The following RPS6KA3 variants were observed in gnomAD, a reference collection of about 807,000 sequenced individuals.
RPS6KA3 encodes the protein ribosomal protein S6 kinase alpha-3.
In RPS6KA3, 4 loss-of-function variants were observed where a neutral mutation model predicts 67.2. The observed-to-expected ratio is 0.06, with a 90% confidence interval of 0.03 to 0.14. The LOEUF is 0.14. Among genes scored for constraint, RPS6KA3 ranks in the 10% least tolerant of loss-of-function variants. The probability of loss-of-function intolerance (pLI) is 1.00; values close to 1 mark genes in which losing one functional copy is unlikely to be tolerated. For synonymous variants in RPS6KA3, 182 were observed against 183.7 expected (o/e 0.99, Z 0.07); for missense variants, 204 against 559.0 (o/e 0.36, Z 6.40).
At chrX:20,267,076 G>A (rs1278386939), upstream of RPS6KA3, 2 of 753,260 alleles carry the variant, frequency 2.7e-6, no homozygotes, top group African/African-American at 2.3e-5. Flanking sequence ...CGCCACCACC[G>A]CCGCGCGCAC....
intron 2 of RPS6KA3, among the ~76,000 whole-genome samples, chrX:20,212,560 T>C (rs908243194): frequency 2.7e-5 from 3 of 110,608 alleles, no homozygotes; most frequent in Admixed American, 9.6e-5. Flanking sequence ...AGTGAGACTT[T>C]GTCTCTACCA....
At chrX:20,251,205 C>T (rs756454442) in intron 1 of RPS6KA3, among the ~76,000 whole-genome samples, 1 of 112,375 alleles carries the variant, frequency 8.9e-6, no homozygotes, top group African/African-American at 3.2e-5. Context: ...GAAGATGGCT[C>T]ACTGGGGCCT....
intron 1 of RPS6KA3, among the ~76,000 whole-genome samples, chrX:20,258,574 A>G (rs1291783292): frequency 1.8e-5 from 2 of 112,105 alleles, no homozygotes; most frequent in African/African-American, 6.5e-5. Context: ...TGTGGCCCAA[A>G]GAATTAGAGA....
chrX:20,155,995 C>A, intron 21 of RPS6KA3, 114 bp downstream of exon 21: 1 of 840,294 alleles, frequency 1.2e-6, no homozygotes, highest in South Asian at 2.0e-5. Flanking sequence ...AAGAGAATCC[C>A]ACAACAGAAC....
intron 10 of RPS6KA3, among the ~76,000 whole-genome samples, chrX:20,184,538 T>C (rs927255622): frequency 9.2e-6 from 1 of 108,801 alleles, no homozygotes; most frequent in East Asian, 2.9e-4. Flanking sequence ...CCCAAGTGGC[T>C]GGGACTACTG....
chrX:20,169,275 C>T (rs2067516513), intron 16 of RPS6KA3, 127 bp downstream of exon 16: 2 of 540,800 alleles, frequency 3.7e-6, no homozygotes, highest in Non-Finnish European at 6.6e-6. Context: ...GCTGGGATTA[C>T]AGGCGTGGGC....
At chrX:20,260,005 G>A (rs1235017223) in intron 1 of RPS6KA3, among the ~76,000 whole-genome samples, 1 of 110,977 alleles carries the variant, frequency 9.0e-6, no homozygotes, top group Non-Finnish European at 1.9e-5. Context: ...TACATTTCTA[G>A]ACAGGAAAAC....
At chrX:20,211,496 T>A (rs2068712365) in intron 2 of RPS6KA3, among the ~76,000 whole-genome samples, 1 of 107,230 alleles carries the variant, frequency 9.3e-6, no homozygotes, top group Non-Finnish European at 1.9e-5. Context: ...CTCAGTTGAT[T>A]AGAGCAGTGT....
At chrX:20,187,185 G>C (rs941165233) in intron 9 of RPS6KA3, among the ~76,000 whole-genome samples, 8 of 107,656 alleles carry the variant, frequency 7.4e-5, no homozygotes, top group Non-Finnish European at 1.2e-4. Context: ...CCAAAGTGCT[G>C]GGATTACAGG....
chrX:20,204,655 C>T (rs2068530645), intron 3 of RPS6KA3, among the ~76,000 whole-genome samples: 1 of 112,216 alleles, frequency 8.9e-6, no homozygotes, highest in African/African-American at 3.2e-5. Context: ...AATCCCAGCA[C>T]TTTGGGAGGC....
chrX:20,241,234 C>A (rs1279960484), intron 1 of RPS6KA3, among the ~76,000 whole-genome samples: 1 of 109,043 alleles, frequency 9.2e-6, no homozygotes, highest in Non-Finnish European at 1.9e-5. Flanking sequence ...AAGTTTCAGG[C>A]TGGGATCCAC....
chrX:20,228,326 C>A lies in RPS6KA3; in HGVS notation c.126+6432G>T, dbSNP rs750422791. ...GGAGGCTTTCTTATAGGTTAACTAG[C>A]CAACCAGGCAGCTTTTACACTAAAG... On this transcript the variant is annotated intron_variant, in intron 2 of 21. Transcript: ENST00000379565. Among the ~76,000 whole-genome samples, 5 of 111,841 alleles carry A rather than the reference C, an allele frequency of 4.5e-5. No homozygotes were observed. In the East Asian group the frequency reaches 1.4e-3, roughly 31 times the overall value.
rs2068653830 is a variant in RPS6KA3, at chrX:20,209,419, G to A, written c.127-15C>T. ...CTGACTTCTTCCTGTTGAGATAAACGTAAGAGGAGCAAACAGGGTTAGCCA... is the reference window on the plus strand; with the variant it reads ...CTGACTTCTTCCTGTTGAGATAAACATAAGAGGAGCAAACAGGGTTAGCCA... On this transcript the variant is annotated splice_polypyrimidine_tract_variant and intron_variant, in intron 2 of 21. Transcript: ENST00000379565. 9 of 938,032 alleles carry A rather than the reference G, an allele frequency of 9.6e-6. No homozygotes were observed. Among genetic ancestry groups the A allele is most frequent in the Non-Finnish European group, 1.4e-5 (9 of 646,483 alleles). The allele number at this position is 938,032 out of a possible 1,213,427, so 77.3% of individuals were successfully genotyped here. A position where few individuals can be genotyped will look rare whatever the true frequency, so the allele number is the denominator to read the frequency against.
chrX:20,170,610 T>A (rs1489544858), intron 15 of RPS6KA3, among the ~76,000 whole-genome samples: 1 of 111,043 alleles, frequency 9.0e-6, no homozygotes, highest in Non-Finnish European at 1.9e-5. Context: ...CTCTTCCTTA[T>A]ATATATTTTT....
At chrX:20,178,636 CTTTTTT>C (rs757383642) in intron 10 of RPS6KA3, among the ~76,000 whole-genome samples, 3 of 39,441 alleles carry the variant, frequency 7.6e-5, no homozygotes, top group Admixed American at 3.8e-4. Context: ...CCACACCTGG[CTTTTTT>C]TTTTTTTTTT....
intron 4 of RPS6KA3, among the ~76,000 whole-genome samples, chrX:20,195,836 A>G (rs930476388): frequency 4.5e-5 from 5 of 112,352 alleles, no homozygotes; most frequent in African/African-American, 1.6e-4. Context: ...TCGGCTACAC[A>G]ATGGGGATAA....
upstream of RPS6KA3, chrX:20,266,947 C>A (rs1004870718): frequency 1.1e-5 from 8 of 715,684 alleles, no homozygotes; most frequent in East Asian, 1.6e-4. Flanking sequence ...ACGGCTCCGC[C>A]CCCCCCGCCG....
chrX:20,192,504 G>C (rs960388673), intron 7 of RPS6KA3, among the ~76,000 whole-genome samples: 2 of 104,967 alleles, frequency 1.9e-5, no homozygotes, highest in Non-Finnish European at 3.9e-5. Context: ...CACAAAAGAA[G>C]ATTGGTAGAT....
chrX:20,211,475 C>T (rs1488662209), intron 2 of RPS6KA3, among the ~76,000 whole-genome samples: 2 of 108,552 alleles, frequency 1.8e-5, no homozygotes, highest in African/African-American at 6.7e-5. Context: ...TCTTTGTAAC[C>T]GGTCTGTTAG....
Sources: gnomAD v4.1 joint callset for allele counts (sites outside exome capture counted in the v4.1 genomes callset) on GRCh38, gnomAD v4.1.1 for gene constraint, MANE v1.5 for transcripts, NCBI Gene and HGNC (gene_info 2026-07-23, HGNC 2026-07-21) for gene names.